The following TACR3 variants were observed in gnomAD, a reference collection of about 807,000 sequenced individuals.
TACR3 encodes neuromedin-K receptor.
In TACR3, 34 loss-of-function variants were observed where a neutral mutation model predicts 35.0. The observed-to-expected ratio is 0.97, with a 90% CI of 0.74 to 1.30. The LOEUF is 1.30. TACR3 is among the 50% of genes most tolerant of loss of function. The pLI, the probability that TACR3 is intolerant of heterozygous loss-of-function variation, is 0.00. For synonymous variants in TACR3, 233 were observed against 221.1 expected (o/e 1.05, Z -0.48); for missense variants, 558 against 591.7 (o/e 0.94, Z 0.59).
intron 4 of TACR3, 64 bp from the exon 5 acceptor site, chr4:103,590,058 C>T: frequency 6.4e-7 from 1 of 1,553,144 alleles, no homozygotes; most frequent in South Asian, 1.2e-5. Context: ...CTTTCAGCTG[C>T]CACAGAAAAT....
intron 3 of TACR3, among the ~76,000 whole-genome samples, chr4:103,606,759 A>G (rs571244037): frequency 2.0e-5 from 3 of 152,228 alleles, no homozygotes; most frequent in Admixed American, 6.5e-5. Context: ...CAATCATGTC[A>G]TCTGCAAACA....
chr4:103,697,924 T>C (rs1466322550), intron 1 of TACR3, among the ~76,000 whole-genome samples: 1 of 152,204 alleles, frequency 6.6e-6, no homozygotes, highest in African/African-American at 2.4e-5. Flanking sequence ...TTTAAAGGTT[T>C]CATCAGCACT....
intron 1 of TACR3, among the ~76,000 whole-genome samples, chr4:103,692,235 A>G (rs1722420438): frequency 6.6e-6 from 1 of 152,218 alleles, no homozygotes; most frequent in African/African-American, 2.4e-5. Flanking sequence ...AAAAAGGTTT[A>G]CCATGTAAAC....
At chr4:103,689,297 G>A (rs1722343815) in intron 1 of TACR3, among the ~76,000 whole-genome samples, 1 of 151,330 alleles carries the variant, frequency 6.6e-6, no homozygotes, top group Non-Finnish European at 1.5e-5. Flanking sequence ...TATACCTAAT[G>A]CTAGATGACG....
chr4:103,716,136 A>G (rs760347747), intron 1 of TACR3, among the ~76,000 whole-genome samples: 1 of 151,998 alleles, frequency 6.6e-6, no homozygotes, highest in Non-Finnish European at 1.5e-5. Context: ...TGTTACATTT[A>G]TATGTTATTT....
At chr4:103,663,404 G>A (rs1403023947) in intron 1 of TACR3, among the ~76,000 whole-genome samples, 4 of 152,182 alleles carry the variant, frequency 2.6e-5, no homozygotes, top group Non-Finnish European at 4.4e-5. Flanking sequence ...TGAGGTATGA[G>A]CATCTCTTGA....
intron 3 of TACR3, among the ~76,000 whole-genome samples, chr4:103,635,940 C>A (rs1406256482): frequency 6.6e-6 from 1 of 151,876 alleles, no homozygotes; most frequent in Non-Finnish European, 1.5e-5. Flanking sequence ...TCATCACTCT[C>A]CTTTCTAACA....
At chr4:103,602,674 G>A (rs1007769858) in intron 3 of TACR3, among the ~76,000 whole-genome samples, 17 of 152,166 alleles carry the variant, frequency 1.1e-4, no homozygotes, top group African/African-American at 4.1e-4. Context: ...TGTTTGCCTG[G>A]GTATCAGCAG....
intron 1 of TACR3, among the ~76,000 whole-genome samples, chr4:103,707,882 A>G (rs1421377073): frequency 6.6e-6 from 1 of 152,104 alleles, no homozygotes; most frequent in Admixed American, 6.5e-5. Context: ...AGGGTCCCAC[A>G]CCCAAGGAGC....
chr4:103,654,723 T>G (rs554349341), intron 3 of TACR3, among the ~76,000 whole-genome samples: 5 of 150,144 alleles, frequency 3.3e-5, no homozygotes, highest in Admixed American at 1.3e-4. Flanking sequence ...AAAAAAGAAA[T>G]AAATGACAGA....
At chr4:103,683,099 T>C (rs1481089854) in intron 1 of TACR3, among the ~76,000 whole-genome samples, 2 of 152,104 alleles carry the variant, frequency 1.3e-5, no homozygotes, top group Non-Finnish European at 2.9e-5. Flanking sequence ...ATAAAATTTG[T>C]CTACCACACA....
chr4:103,620,840 T>C lies in TACR3; in HGVS notation c.889-29157A>G, dbSNP rs1578229957. Among the ~76,000 whole-genome samples, 4 of 150,324 alleles carry C rather than the reference T, an allele frequency of 2.7e-5. No homozygotes were observed. In the East Asian group the frequency reaches 8.0e-4, roughly 30 times the overall value. On this transcript the variant is annotated intron_variant, in intron 3 of 4. Coordinates refer to ENST00000304883, the MANE Select transcript of TACR3 (RefSeq NM_001059.3). ...CTCCAGACATCAACTTCACACAATA[T>C]TCCTATACAACAAATCTACACATGT...
rs576312011 is a variant in TACR3 at position 103,697,582 on chromosome 4, G to T, written c.548+21546C>A. Among the ~76,000 whole-genome samples, 42 of 151,864 alleles carry T rather than the reference G, an allele frequency of 2.8e-4. No individual in the cohort carries two copies. The South Asian group carries it at 8.5e-3, about 31-fold the overall frequency. ...TGGGACTACAGGCGCCCGCCACCAC[G>T]CCCGGCTAATTTTTTGTATTTTTAG... On this transcript the variant is annotated intron_variant, in intron 1 of 4. Transcript: ENST00000304883.
chr4:103,715,994 A>C (rs555168379), intron 1 of TACR3, among the ~76,000 whole-genome samples: 43 of 152,304 alleles, frequency 2.8e-4, no homozygotes, highest in Admixed American at 2.6e-3. Flanking sequence ...CAAACCCTGC[A>C]GTCATCACAA....
intron 3 of TACR3, among the ~76,000 whole-genome samples, chr4:103,645,447 T>C (rs1725437226): frequency 6.7e-6 from 1 of 150,062 alleles, no homozygotes; most frequent in African/African-American, 2.5e-5. Context: ...GCTGCTGTTG[T>C]CACTTTGGTG....
intron 3 of TACR3, among the ~76,000 whole-genome samples, chr4:103,601,455 T>C (rs938368905): frequency 2.0e-5 from 3 of 152,220 alleles, no homozygotes; most frequent in Non-Finnish European, 4.4e-5. Flanking sequence ...TTTTGCTCGA[T>C]ATTTGATGCA....
At chr4:103,685,443 T>G (rs1196298253) in intron 1 of TACR3, among the ~76,000 whole-genome samples, 1 of 152,184 alleles carries the variant, frequency 6.6e-6, no homozygotes, top group Non-Finnish European at 1.5e-5. Flanking sequence ...CTTTGTAACC[T>G]GGACATAGGC....
chr4:103,702,005 C>T (rs1722661778), intron 1 of TACR3, among the ~76,000 whole-genome samples: 1 of 152,142 alleles, frequency 6.6e-6, no homozygotes, highest in Non-Finnish European at 1.5e-5. Flanking sequence ...GACTTCATGT[C>T]TAAAACACCA....
intron 3 of TACR3, among the ~76,000 whole-genome samples, chr4:103,619,944 A>C (rs545712139): frequency 6.6e-6 from 1 of 152,334 alleles, no homozygotes; most frequent in South Asian, 2.1e-4. Flanking sequence ...GCAAACAAAA[A>C]CTATCAACAG....
Sources: allele counts gnomAD v4.1 joint callset (sites outside exome capture counted in the v4.1 genomes callset), GRCh38; gene constraint gnomAD v4.1.1; transcripts MANE v1.5; gene names NCBI Gene and HGNC (gene_info 2026-07-23, HGNC 2026-07-21).